The following ABTB3 variants were observed in gnomAD, a reference collection of about 807,000 sequenced individuals.
The protein encoded by ABTB3 is ankyrin repeat and BTB domain containing 3.
chr12:107,529,118 T>G, the ABTB3 span, among the ~76,000 whole-genome samples: 23 of 129,576 alleles, frequency 1.8e-4, no homozygotes, highest in Middle Eastern at 0.012. Context: ...CGGTGATGAT[T>G]ATGATGGAGA....
At chr12:107,318,859 C>A in the ABTB3 span, 4 of 1,455,382 alleles carry the variant, frequency 2.7e-6, no homozygotes, top group Admixed American at 4.8e-5. Context: ...ACTCGGCTCT[C>A]CCCGCGCCCC....
the ABTB3 span, among the ~76,000 whole-genome samples, chr12:107,502,822 G>T: frequency 6.6e-6 from 1 of 152,120 alleles, no homozygotes; most frequent in Non-Finnish European, 1.5e-5. Context: ...GATTTGAGGT[G>T]GAACAGTTTC....
At chr12:107,399,751 T>C in the ABTB3 span, among the ~76,000 whole-genome samples, 2 of 152,240 alleles carry the variant, frequency 1.3e-5, no homozygotes. Context: ...ACATGTGCTA[T>C]GATGGTTTGC....
At chr12:107,418,584 C>T in the ABTB3 span, among the ~76,000 whole-genome samples, 1 of 152,180 alleles carries the variant, frequency 6.6e-6, no homozygotes, top group Admixed American at 6.5e-5. Flanking sequence ...ATCCACCACA[C>T]AGTAGGTGTT....
chr12:107,571,074 C>G, the ABTB3 span, among the ~76,000 whole-genome samples: 1 of 152,216 alleles, frequency 6.6e-6, no homozygotes, highest in Admixed American at 6.5e-5. Flanking sequence ...CTTCAGGGCT[C>G]TTGTCATTAT....
chr12:107,591,612 A>G, the ABTB3 span, among the ~76,000 whole-genome samples: 2 of 152,222 alleles, frequency 1.3e-5, no homozygotes, highest in Non-Finnish European at 1.5e-5. Context: ...GATTTGGGCA[A>G]GGACACATAT....
chr12:107,503,568 G>A, the ABTB3 span, among the ~76,000 whole-genome samples: 1 of 151,818 alleles, frequency 6.6e-6, no homozygotes, highest in Non-Finnish European at 1.5e-5. Flanking sequence ...GAACAGCCTG[G>A]ACAACATGAT....
the ABTB3 span, among the ~76,000 whole-genome samples, chr12:107,532,164 C>G: frequency 6.6e-6 from 1 of 152,236 alleles, no homozygotes; most frequent in Admixed American, 6.5e-5. Context: ...CACCCAAGAG[C>G]CTGAGGATCA....
chr12:107,632,377 C>G, the ABTB3 span, among the ~76,000 whole-genome samples: 4 of 152,318 alleles, frequency 2.6e-5, no homozygotes, highest in South Asian at 6.2e-4. Context: ...GAGACACACC[C>G]TGGTGTAGAT....
At chr12:107,530,428 G>A in the ABTB3 span, among the ~76,000 whole-genome samples, 1 of 152,194 alleles carries the variant, frequency 6.6e-6, no homozygotes, top group African/African-American at 2.4e-5. Context: ...GGTAATACAA[G>A]TAGCACATGC....
the ABTB3 span, among the ~76,000 whole-genome samples, chr12:107,586,162 G>T: frequency 3.3e-5 from 5 of 152,160 alleles, no homozygotes; most frequent in African/African-American, 4.8e-5. Flanking sequence ...CAGGGACAGG[G>T]TCATGCTCCT....
chr12:107,598,463 G>A, the ABTB3 span, among the ~76,000 whole-genome samples: 1 of 152,306 alleles, frequency 6.6e-6, no homozygotes, highest in African/African-American at 2.4e-5. Flanking sequence ...CTAGCTAAGT[G>A]GCCCTGTACC....
At chr12:107,347,792 C>T in the ABTB3 span, among the ~76,000 whole-genome samples, 1 of 152,090 alleles carries the variant, frequency 6.6e-6, no homozygotes, top group Admixed American at 6.5e-5. Flanking sequence ...CACAAGGTCA[C>T]CCTGCCAAAA....
At chr12:107,543,954 A>G in the ABTB3 span, 1 of 1,613,692 alleles carries the variant, frequency 6.2e-7, no homozygotes. Flanking sequence ...TGTCCCGTGC[A>G]ATGCATCACC....
At chr12:107,637,930 C>G in the ABTB3 span, among the ~76,000 whole-genome samples, 2 of 151,564 alleles carry the variant, frequency 1.3e-5, no homozygotes, top group Admixed American at 6.6e-5. Flanking sequence ...GAATGGGGGA[C>G]TAGCTGGAGA....
chr12:107,643,639 CTG>C, the ABTB3 span, among the ~76,000 whole-genome samples: 60,159 of 151,340 alleles, frequency 0.4, 12,545 homozygotes, highest in African/African-American at 0.47. Flanking sequence ...GGTTGGAAAG[CTG>C]GGTTCCATGC....
the ABTB3 span, among the ~76,000 whole-genome samples, chr12:107,628,036 G>C: frequency 6.6e-6 from 1 of 152,130 alleles, no homozygotes; most frequent in Non-Finnish European, 1.5e-5. Context: ...TTCTGGGGCC[G>C]GTAGCCCACC....
chr12:107,451,278 G>A, the ABTB3 span, among the ~76,000 whole-genome samples: 3 of 152,260 alleles, frequency 2.0e-5, no homozygotes, highest in Non-Finnish European at 4.4e-5. Context: ...TGCAAAAGGC[G>A]AGGTGGAAAC....
chr12:107,643,658 G>A, the ABTB3 span, among the ~76,000 whole-genome samples: 1 of 151,790 alleles, frequency 6.6e-6, no homozygotes, highest in African/African-American at 2.4e-5. Flanking sequence ...ATGCAGCCGT[G>A]GCTTTGCTTT....
Sources: gnomAD v4.1 joint callset for allele counts (sites outside exome capture counted in the v4.1 genomes callset) on GRCh38, gnomAD v4.1.1 for gene constraint, MANE v1.5 for transcripts, NCBI Gene and HGNC (gene_info 2026-07-23, HGNC 2026-07-21) for gene names.